Variants in LMNB1 observed in about 807,000 individuals in gnomAD.
LMNB1 encodes the protein lamin B1, also known as lamin-B1.
A neutral mutation model predicts 67.1 loss-of-function variants in LMNB1; 23 were observed. That is an observed-to-expected ratio of 0.34 (90% CI 0.25 to 0.49). The LOEUF (loss-of-function observed/expected upper bound fraction) is 0.49, where lower values mean the gene tolerates loss of function less well. LMNB1 is among the 20% of genes least tolerant of loss of function. The probability of loss-of-function intolerance (pLI) is 0.99; values close to 1 mark genes in which losing one functional copy is unlikely to be tolerated. For synonymous variants in LMNB1, 281 were observed against 282.9 expected, an observed-to-expected ratio of 0.99 and a Z score of 0.07; for missense variants, 634 against 746.5, an observed-to-expected ratio of 0.85 and a Z score of 1.76.
intron 1 of LMNB1, among the ~76,000 whole-genome samples, chr5:126,788,427 A>G (rs1017737576): frequency 6.6e-6 from 1 of 152,048 alleles, no homozygotes; most frequent in Non-Finnish European, 1.5e-5. Flanking sequence ...ACTTGAGGCC[A>G]GGAGTTTGAG....
At chr5:126,807,023 C>G (rs1025056754) in intron 3 of LMNB1, among the ~76,000 whole-genome samples, 1 of 152,158 alleles carries the variant, frequency 6.6e-6, no homozygotes, top group African/African-American at 2.4e-5. Flanking sequence ...GTGATTGGCC[C>G]GCCTCAGCCT....
At chr5:126,824,197 A>T (rs549229691) in intron 8 of LMNB1, among the ~76,000 whole-genome samples, 1 of 152,374 alleles carries the variant, frequency 6.6e-6, no homozygotes, top group Non-Finnish European at 1.5e-5. Context: ...TTGCAGAGGC[A>T]AAAGCAAAGA....
intron 1 of LMNB1, among the ~76,000 whole-genome samples, chr5:126,796,628 T>G (rs745782885): frequency 4.3e-4 from 65 of 152,192 alleles, no homozygotes; most frequent in Non-Finnish European, 7.2e-4. Flanking sequence ...CAGGAGAGGA[T>G]AGGCATGTGT....
intron 5 of LMNB1, among the ~76,000 whole-genome samples, chr5:126,816,948 C>T (rs1561749589): frequency 6.6e-6 from 1 of 152,300 alleles, no homozygotes; most frequent in East Asian, 1.9e-4. Flanking sequence ...TCATGGAAAA[C>T]AGCTCACTAA....
At chr5:126,823,936 A>G (rs548301770) in intron 8 of LMNB1, among the ~76,000 whole-genome samples, 17 of 152,306 alleles carry the variant, frequency 1.1e-4, no homozygotes, top group Non-Finnish European at 2.1e-4. Flanking sequence ...AGAATCTGAC[A>G]TTTTAGTTCA....
chr5:126,780,779 C>A (rs948426898), intron 1 of LMNB1, among the ~76,000 whole-genome samples: 4 of 152,140 alleles, frequency 2.6e-5, no homozygotes, highest in African/African-American at 9.7e-5. Context: ...TCAAAACATG[C>A]CACATTTTAG....
intron 10 of LMNB1, among the ~76,000 whole-genome samples, chr5:126,833,203 C>G (rs1195716145): frequency 6.6e-6 from 1 of 152,164 alleles, no homozygotes; most frequent in African/African-American, 2.4e-5. Flanking sequence ...TATTCAACTT[C>G]AGTGTGAAAC....
intron 5 of LMNB1, among the ~76,000 whole-genome samples, chr5:126,812,115 T>G (rs1338785183): frequency 1.3e-5 from 2 of 152,230 alleles, no homozygotes; most frequent in South Asian, 2.1e-4. Context: ...ATTAGTAGAT[T>G]ACACAGAGCT....
chr5:126,834,919 T>TA (rs1752217397), intron 10 of LMNB1, among the ~76,000 whole-genome samples: 1 of 152,186 alleles, frequency 6.6e-6, no homozygotes, highest in Non-Finnish European at 1.5e-5. Context: ...CTCATCCAGT[T>TA]ATTTTGTAGG....
In LMNB1 at chr5:126,799,639, C is replaced by T. The variant is rs1052871475; in HGVS notation, c.360-5137C>T. 3.9e-5 allele frequency among the ~76,000 whole-genome samples: 6 copies of T among 152,094 alleles called. No individual in the cohort carries two copies. The South Asian group carries it at 1.2e-3, about 32-fold the overall frequency. On this transcript the variant is annotated intron_variant, in intron 1 of 10. Coordinates refer to ENST00000261366, the MANE Select transcript of LMNB1 (RefSeq NM_005573.4). ...TACTAAAAACGCACTTAGTTGGGACCCTGTCTTATTTATTTATCTTTCTCT... is the reference window on the plus strand; with the variant it reads ...TACTAAAAACGCACTTAGTTGGGACTCTGTCTTATTTATTTATCTTTCTCT...
intron 1 of LMNB1, among the ~76,000 whole-genome samples, chr5:126,782,908 A>G (rs969403889): frequency 6.6e-6 from 1 of 151,870 alleles, no homozygotes; most frequent in Non-Finnish European, 1.5e-5. Context: ...TAATTGAAAA[A>G]CAAAAACCTT....
Position 126,809,645 on chromosome 5 carries a change from C to T in LMNB1, c.643-535C>T, listed in dbSNP as rs565126707. 1.7e-3 allele frequency among the ~76,000 whole-genome samples: 263 copies of T among 152,188 alleles called. 5 individuals carry two copies. In the South Asian group the frequency reaches 0.027, roughly 15 times the overall value. On this transcript the variant is annotated intron_variant, in intron 3 of 10. Transcript: ENST00000261366. ...GAGGTTGTAGTGAGCTGAGATCATA[C>T]CATTGCACAACAGCCTGGGCGACAG...
chr5:126,828,962 C>T (rs570877857), intron 9 of LMNB1, among the ~76,000 whole-genome samples: 7 of 152,200 alleles, frequency 4.6e-5, no homozygotes, highest in African/African-American at 1.7e-4. Context: ...ATTATGAATA[C>T]AGGTCTTATT....
At chr5:126,825,838 T>C in intron 8 of LMNB1, 150 bp from the exon 9 acceptor site, 1 of 1,004,082 alleles carries the variant, frequency 1.0e-6, no homozygotes, top group East Asian at 2.6e-5. Context: ...CTGTGAGTTC[T>C]CCTGGCCACA....
In LMNB1 at chr5:126,781,020, C is replaced by G. The variant is rs80094184; in HGVS notation, c.359+3153C>G. ...TTAAAGACAGCTTCCTGGCCAGGCA[C>G]GGTGGCTCACACCTGTAAAGCACTT... On this transcript the variant is annotated intron_variant, in intron 1 of 10. Transcript: ENST00000261366. 2.5e-3 allele frequency among the ~76,000 whole-genome samples: 375 copies of G among 152,220 alleles called. 1 individual carries two copies. The highest frequency in any genetic ancestry group is 7.9e-3 in the African/African-American group (327 of 41,510).
At chr5:126,811,633 G>A (rs1580544360) in intron 4 of LMNB1, 140 bp from the exon 5 acceptor site, 1 of 651,586 alleles carries the variant, frequency 1.5e-6, no homozygotes, top group Non-Finnish European at 2.6e-6. Context: ...CACCATATCA[G>A]CAAACTTCAT....
At chr5:126,792,307 T>G (rs1406270688) in intron 1 of LMNB1, among the ~76,000 whole-genome samples, 1 of 151,796 alleles carries the variant, frequency 6.6e-6, no homozygotes, top group Non-Finnish European at 1.5e-5. Context: ...TACGCCTGGC[T>G]AACTTTTGTA....
intron 3 of LMNB1, among the ~76,000 whole-genome samples, chr5:126,806,870 T>G (rs547791893): frequency 5.9e-5 from 9 of 152,210 alleles, no homozygotes; most frequent in Admixed American, 1.3e-4. Flanking sequence ...CTCTGCCTCC[T>G]GGGTTCAAGC....
chr5:126,805,467 A>G (rs1751391504), intron 2 of LMNB1, 104 bp from the exon 3 acceptor site: 3 of 757,444 alleles, frequency 4.0e-6, no homozygotes, highest in Middle Eastern at 2.6e-4. Context: ...TGATAAATAT[A>G]TAGGAATTTT....
Sources: allele counts gnomAD v4.1 joint callset (sites outside exome capture counted in the v4.1 genomes callset), GRCh38; gene constraint gnomAD v4.1.1; transcripts MANE v1.5; gene names NCBI Gene and HGNC (gene_info 2026-07-23, HGNC 2026-07-21).